The following MTA3 variants were observed in gnomAD, a reference collection of about 807,000 sequenced individuals.
MTA3 encodes the protein metastasis-associated protein MTA3.
MTA3 carries 34 observed loss-of-function variants against 83.5 expected under a neutral mutation model. That is an observed-to-expected ratio of 0.41 (90% CI 0.31 to 0.54). The LOEUF (loss-of-function observed/expected upper bound fraction) is 0.54. Ranked by LOEUF, MTA3 falls within the 20% of genes least tolerant of loss-of-function variation. MTA3 has a pLI of 0.33. For missense variants in MTA3, 761 were observed against 726.4 expected, an observed-to-expected ratio of 1.05 and a Z score of -0.55; for synonymous variants, 303 against 252.7, an observed-to-expected ratio of 1.20 and a Z score of -1.89.
At chr2:42,579,994 A>C (rs564013514) in intron 3 of MTA3, among the ~76,000 whole-genome samples, 1 of 152,228 alleles carries the variant, frequency 6.6e-6, no homozygotes, top group East Asian at 1.9e-4. Context: ...CAGGCTGGAG[A>C]GTGCAGTGGC....
At chr2:42,639,302 T>C (rs1446387607) in intron 4 of MTA3, among the ~76,000 whole-genome samples, 2 of 152,154 alleles carry the variant, frequency 1.3e-5, no homozygotes, top group African/African-American at 4.8e-5. Context: ...TCTTAATTTT[T>C]GTTTAGAAAA....
chr2:42,570,662 C>A (rs1436417492), intron 2 of MTA3, among the ~76,000 whole-genome samples, 158 bp downstream of exon 2: 1 of 151,992 alleles, frequency 6.6e-6, no homozygotes. Context: ...AGTTGGAGAC[C>A]AGCCTGTGCA....
intron 2 of MTA3, among the ~76,000 whole-genome samples, chr2:42,505,475 C>A (rs549730988): frequency 6.6e-6 from 1 of 152,100 alleles, no homozygotes; most frequent in Non-Finnish European, 1.5e-5. Flanking sequence ...AATACTGAAA[C>A]CCACAGACTA....
chr2:42,640,082 T>C lies in MTA3; in HGVS notation c.318-91T>C, dbSNP rs1687572290. On this transcript the variant is annotated intron_variant, in intron 4 of 16. Coordinates refer to ENST00000405094, the MANE Select transcript of MTA3 (RefSeq NM_001330442.2). ...TCCTAACTGCCATGTAGTTTCTTAATACCAGTCTCACATTCTTAACTTTGT... is the reference window on the plus strand; with the variant it reads ...TCCTAACTGCCATGTAGTTTCTTAACACCAGTCTCACATTCTTAACTTTGT... 4 of 908,194 alleles carry C rather than the reference T, an allele frequency of 4.4e-6. No homozygotes were observed. The East Asian group carries it at 1.1e-4, about 24-fold the overall frequency. The allele number at this position is 908,194 out of a possible 1,614,324, so 56.3% of individuals were successfully genotyped here. A position where few individuals can be genotyped will look rare whatever the true frequency, so the allele number is the denominator to read the frequency against.
intron 2 of MTA3, among the ~76,000 whole-genome samples, chr2:42,522,091 C>G (rs1389456102): frequency 6.6e-6 from 1 of 152,138 alleles, no homozygotes; most frequent in African/African-American, 2.4e-5. Context: ...CCAAGCTGTA[C>G]AAGTCCAAGT....
intron 2 of MTA3, among the ~76,000 whole-genome samples, chr2:42,578,540 A>G (rs1679290693): frequency 6.6e-6 from 1 of 152,202 alleles, no homozygotes; most frequent in Non-Finnish European, 1.5e-5. Context: ...CTTGGTGTAG[A>G]GAATGCTTTT....
Position 42,640,161 on chromosome 2 carries a change from C to CT in MTA3, c.318-7dup, listed in dbSNP as rs757446095. ...CCTTTGTTACATTTATTCTTTTTTTCTTTTTCAACAGGGGAAAGTGCAGTG... is the reference window on the plus strand; with the variant it reads ...CCTTTGTTACATTTATTCTTTTTTTCTTTTTTCAACAGGGGAAAGTGCAGTG... On this transcript the variant is annotated splice_polypyrimidine_tract_variant and intron_variant, in intron 4 of 16. Coordinates refer to ENST00000405094, the MANE Select transcript of MTA3 (RefSeq NM_001330442.2). The CT allele has an allele frequency of 1.1e-5, 18 of 1,585,998 alleles. No individual in the cohort carries two copies. The highest frequency in any genetic ancestry group is 1.4e-5 in the Non-Finnish European group (16 of 1,167,086).
At chr2:42,612,390 A>AT (rs930719859) in intron 4 of MTA3, among the ~76,000 whole-genome samples, 4 of 151,830 alleles carry the variant, frequency 2.6e-5, no homozygotes, top group Admixed American at 2.0e-4. Flanking sequence ...AATTTTTTAT[A>AT]TTTTTTGTAG....
At chr2:42,736,552 A>T (rs1668627572) in intron 16 of MTA3, among the ~76,000 whole-genome samples, 1 of 152,174 alleles carries the variant, frequency 6.6e-6, no homozygotes, top group African/African-American at 2.4e-5. Flanking sequence ...GTAGGTCCAG[A>T]GATGCCAACT....
chr2:42,605,078 C>A (rs1008204777), intron 3 of MTA3, among the ~76,000 whole-genome samples: 4,086 of 150,986 alleles, frequency 0.027, 76 homozygotes, highest in Non-Finnish European at 0.042. Flanking sequence ...CATCCTGGCC[C>A]GTTCTCAATG....
chr2:42,678,755 A>C (rs183522564), intron 8 of MTA3, among the ~76,000 whole-genome samples: 1 of 152,182 alleles, frequency 6.6e-6, no homozygotes, highest in Non-Finnish European at 1.5e-5. Flanking sequence ...TACCCTTATC[A>C]TTATCTTAGT....
Position 42,656,256 on chromosome 2 carries a change from A to G in MTA3, c.556A>G (p.Ser186Gly). The change falls in exon 7 of 17, where the codon AGC (serine) becomes GGC (glycine). Residue 186 changes from serine to glycine, a missense_variant. Transcript: ENST00000405094. ...KLEVKVWDPN[S>G]PLTDRQIDQF... is the part of the protein sequence containing the mutation. Reference sequence around the variant, plus strand: ...GGAAGTTAAAGTTTGGGATCCAAATAGCCCACTTACGGATCGACAGATTGA... The same window carrying G: ...GGAAGTTAAAGTTTGGGATCCAAATGGCCCACTTACGGATCGACAGATTGA... 1.2e-6 allele frequency: 2 copies of G among 1,613,882 alleles called. No individual in the cohort carries two copies. Among genetic ancestry groups the G allele is most frequent in the Non-Finnish European group, 1.7e-6 (2 of 1,179,800 alleles).
At chr2:42,679,279 C>T (rs1691655558) in intron 8 of MTA3, among the ~76,000 whole-genome samples, 1 of 152,124 alleles carries the variant, frequency 6.6e-6, no homozygotes, top group Non-Finnish European at 1.5e-5. Flanking sequence ...CTTCTCATCC[C>T]AACTTGTGCG....
At chr2:42,502,558 G>A (rs774570484) in intron 2 of MTA3, among the ~76,000 whole-genome samples, 19 of 152,072 alleles carry the variant, frequency 1.2e-4, no homozygotes, top group Non-Finnish European at 2.4e-4. Context: ...CAGCACTTTG[G>A]GAGGCCAAGG....
At chr2:42,616,408 G>T (rs1684891779) in intron 4 of MTA3, among the ~76,000 whole-genome samples, 1 of 137,476 alleles carries the variant, frequency 7.3e-6, no homozygotes. Context: ...TAAGATTCTT[G>T]AAGATCTCTT....
intron 8 of MTA3, among the ~76,000 whole-genome samples, chr2:42,662,761 TCGC>T (rs1214562795): frequency 2.1e-4 from 31 of 149,086 alleles, no homozygotes; most frequent in East Asian, 2.0e-4. Context: ...AGACAGAGTC[TCGC>T]CCTGTCGCCC....
At chr2:42,555,556 C>G (rs868483899) in intron 2 of MTA3, among the ~76,000 whole-genome samples, 1 of 145,330 alleles carries the variant, frequency 6.9e-6, no homozygotes, top group African/African-American at 2.6e-5. Context: ...GTCAGGAGAT[C>G]GAGACCATCC....
At chr2:42,613,537 T>C (rs899577836) in intron 4 of MTA3, 1 of 152,200 alleles carries the variant, frequency 6.6e-6, no homozygotes, top group African/African-American at 2.4e-5. Context: ...TCATGCCTTA[T>C]CTTTTTGGCT....
intron 4 of MTA3, among the ~76,000 whole-genome samples, chr2:42,621,979 C>T (rs1335886632): frequency 6.6e-5 from 10 of 151,350 alleles, no homozygotes; most frequent in South Asian, 6.3e-4. Flanking sequence ...CAGGCAGAGA[C>T]GCTCCTCACT....
Sources: allele counts gnomAD v4.1 joint callset (sites outside exome capture counted in the v4.1 genomes callset), GRCh38; gene constraint gnomAD v4.1.1; transcripts MANE v1.5; gene names NCBI Gene and HGNC (gene_info 2026-07-23, HGNC 2026-07-21).